PDE12: variants seen among roughly 807,000 people sequenced by gnomAD.
PDE12 encodes 2',5'-phosphodiesterase 12.
PDE12 carries 26 observed loss-of-function variants against 45.4 expected under a neutral mutation model. The ratio of observed to expected loss-of-function variants is 0.57; its 90% CI spans 0.42 to 0.79. The LOEUF is 0.79. Among genes scored for constraint, PDE12 ranks in the 30% least tolerant of loss-of-function variants. The pLI is 0.00. For synonymous variants in PDE12, 283 were observed against 323.9 expected (o/e 0.87, Z 1.36); for missense variants, 668 against 790.0 (o/e 0.85, Z 1.85).
chr3:57,646,343 G>A, the PDE12 span: 1 of 1,613,802 alleles, frequency 6.2e-7, no homozygotes, highest in Admixed American at 1.7e-5. Flanking sequence ...AGTCTCTGAT[G>A]ATTCCGATGG....
the PDE12 span, among the ~76,000 whole-genome samples, chr3:57,655,552 T>C: frequency 1.3e-5 from 2 of 152,222 alleles, no homozygotes; most frequent in Non-Finnish European, 2.9e-5. Flanking sequence ...TGGAAAATTC[T>C]ACTTATGACC....
chr3:57,613,501 T>A, the PDE12 span, among the ~76,000 whole-genome samples: 5 of 151,228 alleles, frequency 3.3e-5, no homozygotes, highest in Admixed American at 1.3e-4. Flanking sequence ...ACCATCTTGG[T>A]CAGGCTGGTC....
chr3:57,557,661 G>C lies in PDE12; in HGVS notation c.1282G>C (p.Val428Leu). 1 of 1,613,942 alleles carries C rather than the reference G, an allele frequency of 6.2e-7. No homozygotes were observed. Among genetic ancestry groups the C allele is most frequent in the Non-Finnish European group, 8.5e-7 (1 of 1,179,946 alleles). Reference sequence around the variant, plus strand: ...TTTGTACCCATCAGCGCAGGAGAAGGTGCTCCAGAGATCTTCTGTTCTTCA... The same window carrying C: ...TTTGTACCCATCAGCGCAGGAGAAGCTGCTCCAGAGATCTTCTGTTCTTCA... Reference protein sequence around the residue: ...LVLYPSAQEKVLQRSSVLQVS... With the variant: ...LVLYPSAQEKLLQRSSVLQVS... The change falls in exon 1 of 3, where the codon GTG (valine) becomes CTG (leucine). Residue 428 changes from valine to leucine, a missense_variant. By Grantham distance (32) the Val-to-Leu change is conservative. Around this residue, in one of 3 missense-constraint regions of PDE12, gnomAD observed 580 missense variants for 662.9 expected, o/e 0.87. Transcript: ENST00000311180.
the PDE12 span, among the ~76,000 whole-genome samples, chr3:57,576,366 A>C: frequency 1.3e-5 from 2 of 152,318 alleles, no homozygotes; most frequent in African/African-American, 4.8e-5. Flanking sequence ...CTAATGGTCC[A>C]AGATTTCTTT....
At chr3:57,620,837 G>A in the PDE12 span, among the ~76,000 whole-genome samples, 1 of 151,998 alleles carries the variant, frequency 6.6e-6, no homozygotes, top group Admixed American at 6.6e-5. Context: ...TACATAAATG[G>A]AAAACAAACA....
At chr3:57,594,503 A>T in the PDE12 span, among the ~76,000 whole-genome samples, 2 of 152,248 alleles carry the variant, frequency 1.3e-5, no homozygotes, top group African/African-American at 4.8e-5. Context: ...GTTAAATTTG[A>T]TACACTGTGT....
the PDE12 span, among the ~76,000 whole-genome samples, chr3:57,613,125 C>T: frequency 7.3e-5 from 11 of 150,872 alleles, 1 homozygote; most frequent in South Asian, 4.2e-4. Flanking sequence ...GGACTACAGG[C>T]GCCTGCGACC....
the PDE12 span, among the ~76,000 whole-genome samples, chr3:57,581,177 A>G: frequency 1.7e-3 from 254 of 152,336 alleles, no homozygotes; most frequent in African/African-American, 5.7e-3. Context: ...TATAAGTTAG[A>G]AACATGGTTA....
chr3:57,631,126 T>C, the PDE12 span: 4 of 640,080 alleles, frequency 6.2e-6, no homozygotes, highest in East Asian at 8.3e-5. Context: ...GAGATATAGC[T>C]AAATTTAGAC....
chr3:57,634,579 C>A, the PDE12 span: 1 of 1,413,638 alleles, frequency 7.1e-7, no homozygotes, highest in South Asian at 1.5e-5. Flanking sequence ...GTTTTATGAT[C>A]TCTTCATCTC....
the PDE12 span, among the ~76,000 whole-genome samples, chr3:57,650,201 G>A: frequency 3.3e-5 from 5 of 151,750 alleles, no homozygotes; most frequent in Admixed American, 1.3e-4. Flanking sequence ...TACATTCCTC[G>A]TGTGATGGGT....
the PDE12 span, chr3:57,575,489 A>T: frequency 6.7e-7 from 1 of 1,488,998 alleles, no homozygotes; most frequent in Non-Finnish European, 9.0e-7. Context: ...ATTAGCTTAC[A>T]CAACTATCCT....
At chr3:57,634,634 G>A in the PDE12 span, 24 of 1,486,892 alleles carry the variant, frequency 1.6e-5, 1 homozygote, top group African/African-American at 2.7e-4. Context: ...TAAGAGCAAA[G>A]AAAAGAAGGT....
chr3:57,563,459 G>A lies in PDE12; in HGVS notation c.*3455G>A, dbSNP rs1009615224. 2 of 152,026 alleles carry A rather than the reference G, an allele frequency of 1.3e-5. No individual in the cohort carries two copies. Among genetic ancestry groups the A allele is most frequent in the African/African-American group, 2.4e-5 (1 of 41,384 alleles). The allele number at this position is 152,026 out of a possible 1,614,324, so 9.4% of individuals were successfully genotyped here. The stretch of plus-strand genomic sequence containing the variant: ...GTTGGTTTGCTGCACCCGTTAACTC[G>A]TCATTTACATTAGGTATTTCTCCTA... On this transcript the variant is annotated 3_prime_UTR_variant, in exon 3 of 3. Transcript: ENST00000311180.
At chr3:57,613,501 T>C in the PDE12 span, among the ~76,000 whole-genome samples, 4 of 151,106 alleles carry the variant, frequency 2.6e-5, no homozygotes, top group African/African-American at 9.7e-5. Context: ...ACCATCTTGG[T>C]CAGGCTGGTC....
the PDE12 span, among the ~76,000 whole-genome samples, chr3:57,600,343 TTTTC>T: frequency 1.5e-5 from 2 of 133,390 alleles, no homozygotes; most frequent in African/African-American, 5.1e-5. Context: ...TTCTTTTCTC[TTTTC>T]TTTTTCTTTC....
chr3:57,650,387 AAT>A, the PDE12 span, among the ~76,000 whole-genome samples: 208 of 150,864 alleles, frequency 1.4e-3, 1 homozygote, highest in East Asian at 1.4e-3. Flanking sequence ...AAAATAATTT[AAT>A]ATATGAGTGT....
the PDE12 span, chr3:57,584,028 G>T: frequency 1.3e-6 from 2 of 1,499,000 alleles, no homozygotes; most frequent in South Asian, 2.3e-5. Flanking sequence ...AAACAAAAAT[G>T]ACCGCTGTGC....
the PDE12 span, chr3:57,599,932 A>C: frequency 6.6e-6 from 1 of 151,312 alleles, no homozygotes; most frequent in Non-Finnish European, 1.5e-5. Flanking sequence ...GGGCCCAAGC[A>C]ATCCTTCCAC....
Sources: allele counts gnomAD v4.1 joint callset (sites outside exome capture counted in the v4.1 genomes callset), GRCh38; gene constraint gnomAD v4.1.1; regional missense constraint gnomAD v4.1.1; transcripts MANE v1.5; gene names NCBI Gene and HGNC (gene_info 2026-07-23, HGNC 2026-07-21).